RB1: variants seen among roughly 807,000 people sequenced by gnomAD.
The protein encoded by RB1 is RB transcriptional corepressor 1.
RB1 carries 18 observed loss-of-function variants against 135.4 expected under a neutral mutation model. That is an observed-to-expected ratio of 0.13 (90% CI 0.09 to 0.20). The LOEUF (loss-of-function observed/expected upper bound fraction) is 0.20. Ranked by LOEUF, RB1 falls within the 10% of genes least tolerant of loss-of-function variation. The pLI, the probability that RB1 is intolerant of heterozygous loss-of-function variation, is 1.00. For synonymous variants in RB1, 365 were observed against 373.2 expected, an observed-to-expected ratio of 0.98 and a Z score of 0.25; for missense variants, 868 against 1,110.0, an observed-to-expected ratio of 0.78 and a Z score of 3.10.
At chr13:48,404,483 A>G (rs1276691944) in intron 17 of RB1, among the ~76,000 whole-genome samples, 1 of 152,076 alleles carries the variant, frequency 6.6e-6, no homozygotes, top group East Asian at 1.9e-4. Flanking sequence ...AGGGGGCTTC[A>G]GATGGAAAGG....
rs544636482 is a variant in RB1, at chr13:48,319,135, C to T, written c.264+11729C>T. The stretch of plus-strand genomic sequence containing the variant: ...TCGCTGGAGGCGGAGCTTTGGTTTC[C>T]TTCGGGAGCTTGTGGGGAATGGTCA... On this transcript the variant is annotated intron_variant, in intron 2 of 26. Transcript: ENST00000267163. The surrounding 1 kb of genome is among the most constrained non-coding windows in gnomAD (Gnocchi z 5.0). 3.1e-4 allele frequency: 190 copies of T among 605,298 alleles called. 1 individual carries two copies. Among genetic ancestry groups the T allele is most frequent in the South Asian group, 3.0e-3 (189 of 63,554 alleles). The allele number at this position is 605,298 out of a possible 1,614,324, so 37.5% of individuals were successfully genotyped here. A position where few individuals can be genotyped will look rare whatever the true frequency, so the allele number is the denominator to read the frequency against.
chr13:48,392,559 T>A (rs1948619160), intron 17 of RB1, among the ~76,000 whole-genome samples: 1 of 152,186 alleles, frequency 6.6e-6, no homozygotes, highest in Non-Finnish European at 1.5e-5. Context: ...GTATTTTTAG[T>A]CTTACTATAG....
intron 6 of RB1, among the ~76,000 whole-genome samples, chr13:48,356,169 T>C (rs1324798977): frequency 6.6e-6 from 1 of 152,076 alleles, no homozygotes; most frequent in Non-Finnish European, 1.5e-5. Context: ...ACATCTCACA[T>C]ACCCCGTAAA....
intron 24 of RB1, among the ~76,000 whole-genome samples, chr13:48,475,812 A>AATATT (rs1050318372): frequency 2.0e-5 from 3 of 152,180 alleles, no homozygotes; most frequent in Non-Finnish European, 4.4e-5. Context: ...AAATATTAAA[A>AATATT]TGTGTGTTAC....
chr13:48,366,579 A>T (rs534477915), intron 9 of RB1, among the ~76,000 whole-genome samples: 37 of 152,330 alleles, frequency 2.4e-4, no homozygotes, highest in Admixed American at 1.0e-3. Context: ...AAGTATAATT[A>T]AAAAATTATG....
Position 48,408,020 on chromosome 13 carries a change from T to C in RB1, c.1695+26577T>C, listed in dbSNP as rs141976188. Reference sequence around the variant, plus strand: ...CCAAAATTGTAGGACCAAAAAGCAATTGCTTCAGATTCTTGATAACTATGT... The same window carrying C: ...CCAAAATTGTAGGACCAAAAAGCAACTGCTTCAGATTCTTGATAACTATGT... On this transcript the variant is annotated intron_variant, in intron 17 of 26. Coordinates refer to ENST00000267163, the MANE Select transcript of RB1 (RefSeq NM_000321.3). Among the ~76,000 whole-genome samples the C allele has an allele frequency of 5.3e-4, 81 of 152,244 alleles. No homozygotes were observed. In the East Asian group the frequency reaches 0.015, roughly 28 times the overall value.
intron 9 of RB1, among the ~76,000 whole-genome samples, chr13:48,367,197 A>G (rs1952710759): frequency 6.6e-6 from 1 of 151,476 alleles, no homozygotes; most frequent in South Asian, 2.1e-4. Flanking sequence ...AACAGTTATT[A>G]TAATACCTAT....
At chr13:48,315,997 C>T (rs541005549) in intron 2 of RB1, among the ~76,000 whole-genome samples, 72 of 152,162 alleles carry the variant, frequency 4.7e-4, no homozygotes, top group Non-Finnish European at 9.6e-4. Flanking sequence ...ACTGCATCCT[C>T]GCCAACATCT....
At chr13:48,360,615 T>C (rs1952630938) in intron 7 of RB1, 2 of 158,682 alleles carry the variant, frequency 1.3e-5, no homozygotes, top group African/African-American at 2.4e-5. Context: ...AATAACTATG[T>C]ATTTTTTTGT....
chr13:48,419,307 A>G (rs1480593517), intron 17 of RB1, among the ~76,000 whole-genome samples: 1 of 152,236 alleles, frequency 6.6e-6, no homozygotes, highest in Admixed American at 6.5e-5. Flanking sequence ...AATGAAATTA[A>G]GGCAGAAACA....
In RB1 at chr13:48,461,098, T is replaced by A. The variant is rs1418788923; in HGVS notation, c.2106+1265T>A. Among the ~76,000 whole-genome samples the A allele has an allele frequency of 2.0e-5, 3 of 152,126 alleles. No individual in the cohort carries two copies. In the East Asian group the frequency reaches 5.8e-4, roughly 29 times the overall value. ...TAGTATATTCACAGTTATACAAACA[T>A]CACCATAATCAATTTTAGAATTTGT... On this transcript the variant is annotated intron_variant, in intron 20 of 26. Coordinates refer to ENST00000267163, the MANE Select transcript of RB1 (RefSeq NM_000321.3).
At chr13:48,462,548 T>A (rs1370420427) in intron 20 of RB1, among the ~76,000 whole-genome samples, 1 of 152,238 alleles carries the variant, frequency 6.6e-6, no homozygotes, top group African/African-American at 2.4e-5. Context: ...ATTCTGTGAG[T>A]TGTTTCACTT....
At chr13:48,337,314 A>G (rs1308389009) in intron 2 of RB1, among the ~76,000 whole-genome samples, 1 of 152,160 alleles carries the variant, frequency 6.6e-6, no homozygotes, top group Non-Finnish European at 1.5e-5. Flanking sequence ...GTGAGAGTCT[A>G]AGTCTCTTTG....
At chr13:48,345,035 T>A (rs1365274215) in intron 3 of RB1, 45 bp from the exon 4 acceptor site, 2 of 1,585,366 alleles carry the variant, frequency 1.3e-6, no homozygotes, top group Non-Finnish European at 8.6e-7. Context: ...ATAACACAAA[T>A]TTTTAAGGTT....
In RB1 at chr13:48,428,909, T is replaced by C. The variant is rs986564097; in HGVS notation, c.1696-24084T>C. Among the ~76,000 whole-genome samples the C allele has an allele frequency of 2.0e-5, 3 of 152,234 alleles. No homozygotes were observed. The East Asian group carries it at 5.8e-4, about 29-fold the overall frequency. On this transcript the variant is annotated intron_variant, in intron 17 of 26. Coordinates refer to ENST00000267163, the MANE Select transcript of RB1 (RefSeq NM_000321.3). ...ACTCTTCAGTTAAAGTAAACACTTA[T>C]TGACTTGTATCTTTTACCTATTACT... is the stretch of plus-strand genomic sequence containing the variant.
chr13:48,396,882 A>G (rs1948652901), intron 17 of RB1, among the ~76,000 whole-genome samples: 1 of 152,116 alleles, frequency 6.6e-6, no homozygotes, highest in South Asian at 2.1e-4. Flanking sequence ...TGGCCAACAA[A>G]CATATGAAAA....
rs1290972616 is a variant in RB1 at position 48,319,424 on chromosome 13, C to G, written c.264+12018C>G. The G allele has an allele frequency of 5.4e-6, 2 of 371,420 alleles. No homozygotes were observed. Among genetic ancestry groups the G allele is most frequent in the Non-Finnish European group, 5.1e-6 (1 of 197,784 alleles). The allele number at this position is 371,420 out of a possible 1,614,324, so 23.0% of individuals were successfully genotyped here. On this transcript the variant is annotated intron_variant, in intron 2 of 26. Coordinates refer to ENST00000267163, the MANE Select transcript of RB1 (RefSeq NM_000321.3). This position sits in a 1 kb window ranked among gnomAD's most constrained non-coding sequence, Gnocchi z 5.0. The stretch of plus-strand genomic sequence containing the variant: ...TGCTGGAGTCTGACGCCTCGGGCGC[C>G]TGCGCCGCACTTGTGACTTGCTTTC...
At chr13:48,318,101 C>CCT (rs957895396) in intron 2 of RB1, 1 of 532,026 alleles carries the variant, frequency 1.9e-6, no homozygotes. Flanking sequence ...AGGCGCATCC[C>CCT]CTCACTCGGA....
intron 2 of RB1, among the ~76,000 whole-genome samples, chr13:48,338,919 G>T (rs1226780016): frequency 1.3e-5 from 2 of 152,164 alleles, no homozygotes; most frequent in Non-Finnish European, 1.5e-5. Flanking sequence ...CAGGTCTGTT[G>T]GAGTTTGCTG....
Sources: allele counts gnomAD v4.1 joint callset (sites outside exome capture counted in the v4.1 genomes callset), GRCh38; gene constraint gnomAD v4.1.1; non-coding constraint Gnocchi (gnomAD v3.1); transcripts MANE v1.5; gene names NCBI Gene and HGNC (gene_info 2026-07-23, HGNC 2026-07-21).